COL4A2: variants seen among roughly 807,000 people sequenced by gnomAD.
COL4A2 encodes collagen type IV alpha 2 chain.
In COL4A2, 99 loss-of-function variants were observed where a neutral mutation model predicts 200.2. The observed-to-expected ratio is 0.49, with a 90% CI of 0.42 to 0.58. COL4A2 has a LOEUF of 0.58. Among genes scored for constraint, COL4A2 ranks in the 20% least tolerant of loss-of-function variants. The pLI, the probability that COL4A2 is intolerant of heterozygous loss-of-function variation, is 0.00. For synonymous variants in COL4A2, 897 were observed against 900.6 expected (o/e 1.00, Z 0.07); for missense variants, 1,950 against 2,314.1 (o/e 0.84, Z 3.23).
At chr13:110,496,060 C>A (rs1883444571) in intron 40 of COL4A2, among the ~76,000 whole-genome samples, 1 of 152,178 alleles carries the variant, frequency 6.6e-6, no homozygotes. Context: ...CCCTCCCCCA[C>A]CCCGCCCACC....
At chr13:110,358,568 T>C (rs978419465) in intron 4 of COL4A2, among the ~76,000 whole-genome samples, 3 of 152,360 alleles carry the variant, frequency 2.0e-5, no homozygotes, top group Non-Finnish European at 4.4e-5. Flanking sequence ...GTCCACACTT[T>C]GATGCAACCA....
intron 16 of COL4A2, among the ~76,000 whole-genome samples, chr13:110,441,140 A>G (rs1340522214): frequency 1.3e-5 from 2 of 152,208 alleles, no homozygotes; most frequent in African/African-American, 4.8e-5. Context: ...GCACAGAGAT[A>G]GAGTTTTATC....
intron 15 of COL4A2, among the ~76,000 whole-genome samples, chr13:110,439,313 TAGAG>T (rs1324257521): frequency 1.3e-5 from 2 of 152,236 alleles, no homozygotes; most frequent in Non-Finnish European, 2.9e-5. Context: ...AAAATAAGAA[TAGAG>T]AGACACAGTA....
chr13:110,357,212 G>A (rs1161171243), intron 3 of COL4A2, among the ~76,000 whole-genome samples: 1 of 152,042 alleles, frequency 6.6e-6, no homozygotes, highest in East Asian at 1.9e-4. Flanking sequence ...TGTACATCCT[G>A]GTGCAGGATG....
chr13:110,420,259 G>A (rs953285615), intron 4 of COL4A2, among the ~76,000 whole-genome samples: 4 of 152,324 alleles, frequency 2.6e-5, no homozygotes, highest in Non-Finnish European at 4.4e-5. Flanking sequence ...ACTGGAGTTC[G>A]TGTCACTACA....
chr13:110,493,323 G>A, intron 39 of COL4A2, 41 bp downstream of exon 39: 1 of 1,601,320 alleles, frequency 6.2e-7, no homozygotes, highest in South Asian at 1.1e-5. Flanking sequence ...ACGCAGAGGT[G>A]TCGAGGGTGG....
chr13:110,458,140 C>G (rs1410966673), intron 21 of COL4A2: 1 of 470,368 alleles, frequency 2.1e-6, no homozygotes, highest in Non-Finnish European at 4.4e-6. Flanking sequence ...CATTCAGCAC[C>G]CCGCTGTGGA....
intron 6 of COL4A2, 101 bp from the exon 7 acceptor site, chr13:110,428,366 G>A (rs565101316): frequency 2.8e-5 from 20 of 708,226 alleles, no homozygotes; most frequent in Middle Eastern, 5.2e-4. Context: ...GATTCATGCC[G>A]GGAACATGGC....
intron 20 of COL4A2, among the ~76,000 whole-genome samples, chr13:110,456,131 A>G (rs1048472885): frequency 6.6e-6 from 1 of 152,312 alleles, no homozygotes; most frequent in African/African-American, 2.4e-5. Flanking sequence ...TGTTTCTTGC[A>G]CCGTCATCAT....
intron 3 of COL4A2, among the ~76,000 whole-genome samples, chr13:110,346,912 G>C (rs569115440): frequency 3.4e-4 from 52 of 152,354 alleles, no homozygotes; most frequent in Non-Finnish European, 3.5e-4. Flanking sequence ...GAACGGGGAA[G>C]ACTGGCTCTG....
At chr13:110,415,933 T>C (rs907747159) in intron 4 of COL4A2, among the ~76,000 whole-genome samples, 5 of 152,220 alleles carry the variant, frequency 3.3e-5, no homozygotes, top group African/African-American at 1.2e-4. Context: ...TGCTCTTGGG[T>C]GTGAAGATGA....
rs7983450 is a variant in COL4A2, at chr13:110,327,716, C to G, written c.99+19593C>G. On this transcript the variant is annotated intron_variant, in intron 3 of 47. Coordinates refer to ENST00000360467, the MANE Select transcript of COL4A2 (RefSeq NM_001846.4). ...CAGTGAAGCATTAAAATCCCCCCAA[C>G]AGCTCCAGAGAAATAGTTCCCTGCT... Among the ~76,000 whole-genome samples the G allele has an allele frequency of 4.9e-3, 751 of 152,302 alleles. 7 individuals are homozygous for G. Among genetic ancestry groups the G allele is most frequent in the African/African-American group, 0.017 (697 of 41,568 alleles).
At chr13:110,410,655 G>T (rs907560580) in intron 4 of COL4A2, among the ~76,000 whole-genome samples, 1 of 152,162 alleles carries the variant, frequency 6.6e-6, no homozygotes, top group Non-Finnish European at 1.5e-5. Flanking sequence ...GACAAAATAT[G>T]TTACTGATGT....
intron 3 of COL4A2, among the ~76,000 whole-genome samples, chr13:110,317,118 T>C (rs1885153802): frequency 6.7e-6 from 1 of 148,298 alleles, no homozygotes; most frequent in Non-Finnish European, 1.5e-5. Context: ...CATGCACATA[T>C]AGACACACTT....
In COL4A2 at chr13:110,436,345, C is replaced by T; in HGVS notation, c.803C>T (p.Thr268Ile). 1 of 1,613,868 alleles carries T rather than the reference C, an allele frequency of 6.2e-7. No homozygotes were observed. The highest frequency in any genetic ancestry group is 8.5e-7 in the Non-Finnish European group (1 of 1,179,990). ...CCCATCATCGCGCCCACAGGAGTCA[C>T]CTTCCACCCAGATCAGTACAAGGTA... The part of the protein sequence containing the change: ...LHPIIAPTGV[T>I]FHPDQYKGEK... Residue 268 changes from threonine (T) to isoleucine (I), a missense_variant, in exon 13 of 48, where the codon ACC (threonine) becomes ATC (isoleucine). By Grantham distance (89) the Thr-to-Ile change is moderately conservative. This residue lies in a region of COL4A2 where 565 missense variants were observed against 593.5 expected (regional missense o/e 0.95). Transcript: ENST00000360467.
intron 41 of COL4A2, chr13:110,502,906 T>C (rs747937050): frequency 5.1e-5 from 26 of 510,986 alleles, no homozygotes; most frequent in Non-Finnish European, 7.6e-5. Context: ...GGTGAATATA[T>C]TGAATGCCAC....
chr13:110,402,124 C>G (rs1263966059), intron 4 of COL4A2, among the ~76,000 whole-genome samples: 1 of 152,184 alleles, frequency 6.6e-6, no homozygotes, highest in East Asian at 1.9e-4. Context: ...CTAATAGCCC[C>G]CAAAAGTCTT....
intron 3 of COL4A2, among the ~76,000 whole-genome samples, chr13:110,352,765 G>A (rs1877019537): frequency 6.6e-6 from 1 of 152,184 alleles, no homozygotes; most frequent in African/African-American, 2.4e-5. Flanking sequence ...CATTCTCCAG[G>A]GAGTAGGGTG....
Position 110,469,293 on chromosome 13 carries a change from C to T in COL4A2, c.2172C>T (p.Asp724=), listed in dbSNP as rs375427719. The change falls in exon 28 of 48, where the codon GAC becomes GAT. Residue 724 remains aspartate (D), a synonymous_variant. Coordinates refer to ENST00000360467, the MANE Select transcript of COL4A2 (RefSeq NM_001846.4). ...GGPGPRGLPG[D]AGREGFPGPP... ...CAGGGCCCAGGGGCTTGCCAGGAGA[C>T]GCAGGTCGTGAAGGGTTCCCAGGAC... is the stretch of plus-strand genomic sequence containing the variant. 2.1e-4 allele frequency: 343 copies of T among 1,598,568 alleles called. 1 individual carries two copies. Among genetic ancestry groups the T allele is most frequent in the African/African-American group, 1.0e-3 (78 of 74,848 alleles).
Sources: gnomAD v4.1 joint callset for allele counts (sites outside exome capture counted in the v4.1 genomes callset) on GRCh38, gnomAD v4.1.1 for gene constraint, gnomAD v4.1.1 regional missense constraint, MANE v1.5 for transcripts, NCBI Gene and HGNC (gene_info 2026-07-23, HGNC 2026-07-21) for gene names.